The following NIBAN3 variants were observed in gnomAD, a reference collection of about 807,000 sequenced individuals.
NIBAN3 encodes the protein protein Niban 3.
In NIBAN3, 66 loss-of-function variants were observed where a neutral mutation model predicts 76.4. The observed-to-expected ratio is 0.86, with a 90% CI of 0.71 to 1.06. The LOEUF is 1.06. Among genes scored for constraint, NIBAN3 ranks in the 50% least tolerant of loss-of-function variants. The pLI is 0.00. For missense variants in NIBAN3, 808 were observed against 810.7 expected (o/e 1.00, Z 0.04); for synonymous variants, 360 against 355.2 (o/e 1.01, Z -0.15).
Position 17,539,691 on chromosome 19 carries a change from C to G in NIBAN3, c.905C>G (p.Ser302Trp). 1 of 1,554,216 alleles carries G rather than the reference C, an allele frequency of 6.4e-7. No individual in the cohort carries two copies. Among genetic ancestry groups the G allele is most frequent in the Non-Finnish European group, 8.7e-7 (1 of 1,149,792 alleles). Reference sequence around the variant, plus strand: ...CCCGAAAAGGACGAGCTGCTTGCGTCGCTGGAGAAGACGATCCGCCCGGAC... The same window carrying G: ...CCCGAAAAGGACGAGCTGCTTGCGTGGCTGGAGAAGACGATCCGCCCGGAC... ...FQPEKDELLASLEKTIRPDVD... is the reference protein window; with the variant it reads ...FQPEKDELLAWLEKTIRPDVD... Residue 302 changes from serine to tryptophan, a missense_variant, in exon 8 of 15, where the codon TCG becomes TGG. Coordinates refer to ENST00000599164, the MANE Select transcript of NIBAN3 (RefSeq NM_001321827.2).
rs938228005 is a variant in NIBAN3, at chr19:17,542,613, G to A, written c.1329+319G>A. ...GTCCCGAGTGAATAGTGTTGAGAGT[G>A]CTTGTCTGCATTTGGGGAACGTGGA... On this transcript the variant is annotated intron_variant, in intron 10 of 14. Transcript: ENST00000599164. This position sits in a 1 kb window ranked among gnomAD's most constrained non-coding sequence, Gnocchi z 4.8. Among the ~76,000 whole-genome samples the A allele has an allele frequency of 1.1e-4, 16 of 152,204 alleles. No homozygotes were observed. The highest frequency in any genetic ancestry group is 2.4e-4 in the Non-Finnish European group (16 of 68,038).
intron 13 of NIBAN3, 32 bp from the exon 14 acceptor site, chr19:17,549,412 C>T (rs1338608365): frequency 1.3e-6 from 2 of 1,527,580 alleles, no homozygotes; most frequent in South Asian, 2.3e-5. Flanking sequence ...CTGGGCTTCC[C>T]CAGGTGTGTC....
chr19:17,551,005 G>A (rs2076146264), intron 14 of NIBAN3, among the ~76,000 whole-genome samples: 1 of 151,914 alleles, frequency 6.6e-6, no homozygotes, highest in Non-Finnish European at 1.5e-5. Flanking sequence ...AGGTTTAGGA[G>A]CTGCTTTTAG....
intron 12 of NIBAN3, 43 bp downstream of exon 12, chr19:17,543,674 CAT>C: frequency 1.3e-6 from 2 of 1,502,596 alleles, no homozygotes; most frequent in Non-Finnish European, 1.8e-6. Flanking sequence ...ACAGCATCAC[CAT>C]GCATCCACTT....
At position 17,552,065 on chromosome 19, in the gene NIBAN3, G is replaced by GTATTTT. The variant is rs2076166097; in HGVS notation, c.*167_*168insTATTTT. The GTATTTT allele has an allele frequency of 5.2e-5, 22 of 422,966 alleles. No homozygotes were observed. The highest frequency in any genetic ancestry group is 8.4e-5 in the Non-Finnish European group (20 of 238,252). The allele number at this position is 422,966 out of a possible 1,614,324, so 26.2% of individuals were successfully genotyped here. A position where few individuals can be genotyped will look rare whatever the true frequency, so the allele number is the denominator to read the frequency against. The stretch of plus-strand genomic sequence containing the variant: ...CATTTATTTGTGTATTTTCCCCAAG[G>GTATTTT]CTTTCTTTATTTTAATTTTTTTTTT... On this transcript the variant is annotated 3_prime_UTR_variant, in exon 15 of 15. Coordinates refer to ENST00000599164, the MANE Select transcript of NIBAN3 (RefSeq NM_001321827.2).
At chr19:17,538,727 A>C (rs977005700) in intron 5 of NIBAN3, among the ~76,000 whole-genome samples, 2 of 68,576 alleles carry the variant, frequency 2.9e-5, no homozygotes, top group Non-Finnish European at 6.5e-5. Flanking sequence ...AAGAAGAAAG[A>C]AAGCAAGAAA....
intron 1 of NIBAN3, among the ~76,000 whole-genome samples, chr19:17,529,663 T>C (rs1052224975): frequency 5.3e-5 from 8 of 152,182 alleles, no homozygotes; most frequent in Non-Finnish European, 1.0e-4. Context: ...AGGTAAAGCA[T>C]ATGGGGACAC....
intron 5 of NIBAN3, among the ~76,000 whole-genome samples, chr19:17,538,631 A>G (rs1682609012): frequency 6.7e-6 from 1 of 149,938 alleles, no homozygotes; most frequent in African/African-American, 2.5e-5. Flanking sequence ...AAAGAGAGAG[A>G]AAAGAAAAGA....
At chr19:17,535,066 A>C (rs1412114977) in intron 4 of NIBAN3, among the ~76,000 whole-genome samples, 2 of 152,216 alleles carry the variant, frequency 1.3e-5, no homozygotes, top group African/African-American at 4.8e-5. Context: ...TGAGATGTTG[A>C]TGCTGCTCAA....
intron 4 of NIBAN3, 96 bp from the exon 5 acceptor site, chr19:17,537,280 G>A: frequency 8.2e-7 from 1 of 1,224,288 alleles, no homozygotes; most frequent in East Asian, 2.4e-5. Flanking sequence ...TATTTATCGA[G>A]CAACTGCCCA....
At chr19:17,525,247 C>T (rs1488858407), upstream of NIBAN3, among the ~76,000 whole-genome samples, 3 of 152,204 alleles carry the variant, frequency 2.0e-5, no homozygotes, top group African/African-American at 7.2e-5. Context: ...GCTTGACACT[C>T]CCCTCATCAG....
At position 17,543,407 on chromosome 19, in the gene NIBAN3, G is replaced by T; in HGVS notation, c.1420G>T (p.Glu474Ter). 6.2e-7 allele frequency: 1 copy of T among 1,612,628 alleles called. No individual in the cohort carries two copies. Among genetic ancestry groups the T allele is most frequent in the Non-Finnish European group, 8.5e-7 (1 of 1,178,788 alleles). Residue 474 changes from glutamate to a stop codon, truncating the protein, a stop_gained, in exon 11 of 15, where the codon GAG becomes TAG. Transcript: ENST00000599164. LOFTEE classifies it high-confidence loss of function. ...LNCDQAAQRL[E>*]RVRGRVLKKF... ...CTGTGACCAGGCTGCCCAGAGGCTG[G>T]AGAGAGTCAGGGGGCGCGTGCTGAA...
chr19:17,543,855 G>A (rs550447104), intron 12 of NIBAN3: 16 of 344,850 alleles, frequency 4.6e-5, no homozygotes, highest in Middle Eastern at 8.8e-4. Context: ...AGCCAGGCAT[G>A]GTGATGGGCG....
chr19:17,547,095 G>A (rs1254520048), intron 13 of NIBAN3, among the ~76,000 whole-genome samples: 1 of 151,986 alleles, frequency 6.6e-6, no homozygotes, highest in African/African-American at 2.4e-5. Context: ...GCTCACACCT[G>A]TAATCCCAGC....
At chr19:17,529,069 T>C (rs2075663360) in intron 1 of NIBAN3, among the ~76,000 whole-genome samples, 1 of 152,186 alleles carries the variant, frequency 6.6e-6, no homozygotes, top group African/African-American at 2.4e-5. Context: ...GTGATGTATC[T>C]TGCAAACAAA....
At chr19:17,530,244 C>T (rs2075690886) in intron 1 of NIBAN3, among the ~76,000 whole-genome samples, 2 of 151,820 alleles carry the variant, frequency 1.3e-5, no homozygotes, top group Admixed American at 6.6e-5. Flanking sequence ...TCACCTGAGC[C>T]CAGGAAGTAG....
downstream of NIBAN3, among the ~76,000 whole-genome samples, chr19:17,554,117 G>A (rs1205752400): frequency 1.3e-5 from 2 of 151,938 alleles, no homozygotes; most frequent in South Asian, 2.1e-4. Context: ...CAAGTGATCC[G>A]CCTGCCTCAG....
upstream of NIBAN3, chr19:17,527,152 A>T (rs990349400): frequency 1.4e-6 from 2 of 1,468,702 alleles, no homozygotes; most frequent in Non-Finnish European, 1.8e-6. Flanking sequence ...TACAGAAACC[A>T]CTGGCTCTGG....
rs1308171563 is a variant in NIBAN3, at chr19:17,553,242, T to TTG, written c.*1347_*1348dup. 2.5e-5 allele frequency: 40 copies of TTG among 1,570,178 alleles called. No individual in the cohort carries two copies. Among genetic ancestry groups the TTG allele is most frequent in the Admixed American group, 7.5e-5 (4 of 53,032 alleles). On this transcript the variant is annotated 3_prime_UTR_variant, in exon 15 of 15. Coordinates refer to ENST00000599164, the MANE Select transcript of NIBAN3 (RefSeq NM_001321827.2). ...TTTATATCTGAAGGATATGAACGCTTTGTGATACAGGTTACAGATTTTGGG... is the reference window on the plus strand; with the variant it reads ...TTTATATCTGAAGGATATGAACGCTTTGTGTGATACAGGTTACAGATTTTGGG...
Sources: gnomAD v4.1 joint callset for allele counts (sites outside exome capture counted in the v4.1 genomes callset) on GRCh38, gnomAD v4.1.1 for gene constraint, Gnocchi (gnomAD v3.1) non-coding constraint, MANE v1.5 for transcripts, NCBI Gene and HGNC (gene_info 2026-07-23, HGNC 2026-07-21) for gene names.